Variants in ZBTB38 observed in about 807,000 individuals in gnomAD.
The protein encoded by ZBTB38 is zinc finger and BTB domain-containing protein 38.
A neutral mutation model predicts 76.8 loss-of-function variants in ZBTB38; 20 were observed. That is an observed-to-expected ratio of 0.26 (90% CI 0.18 to 0.38). ZBTB38 has a LOEUF of 0.38. ZBTB38 is among the 10% of genes least tolerant of loss of function. The probability of loss-of-function intolerance (pLI) is 1.00; values close to 1 mark genes in which losing one functional copy is unlikely to be tolerated. For missense variants in ZBTB38, 1,082 were observed against 1,482.3 expected (o/e 0.73, Z 4.43); for synonymous variants, 504 against 544.2 (o/e 0.93, Z 1.03).
chr3:141,402,681 C>T (rs1011896103), intron 4 of ZBTB38: 17 of 146,748 alleles, frequency 1.2e-4, no homozygotes, highest in East Asian at 2.0e-4. Flanking sequence ...GGCCCGCGCC[C>T]GGAGCGGGGC....
chr3:141,345,208 A>G (rs1420638382), intron 1 of ZBTB38, among the ~76,000 whole-genome samples: 1 of 152,204 alleles, frequency 6.6e-6, no homozygotes, highest in African/African-American at 2.4e-5. Context: ...TGTATGGCTT[A>G]GGAAGAAGCT....
At chr3:141,337,817 G>T (rs77575849) in intron 1 of ZBTB38, among the ~76,000 whole-genome samples, 1 of 152,134 alleles carries the variant, frequency 6.6e-6, no homozygotes, top group Non-Finnish European at 1.5e-5. Context: ...GCTCATTTTT[G>T]CAGGGAAGAA....
At chr3:141,416,634 C>T (rs2074108784) in intron 5 of ZBTB38, among the ~76,000 whole-genome samples, 1 of 152,156 alleles carries the variant, frequency 6.6e-6, no homozygotes, top group South Asian at 2.1e-4. Context: ...GTCCCAGAAC[C>T]CGTGAGTGTG....
intron 5 of ZBTB38, among the ~76,000 whole-genome samples, chr3:141,431,514 C>T (rs1023726748): frequency 8.6e-5 from 13 of 151,628 alleles, no homozygotes; most frequent in African/African-American, 3.2e-4. Context: ...CCAAGGCACA[C>T]GAGCTACCCT....
intron 1 of ZBTB38, among the ~76,000 whole-genome samples, chr3:141,354,388 C>T (rs1943603243): frequency 1.3e-5 from 2 of 152,114 alleles, no homozygotes; most frequent in South Asian, 4.1e-4. Flanking sequence ...TTGCTTCCAA[C>T]ATGCTGCCTC....
intron 1 of ZBTB38, among the ~76,000 whole-genome samples, chr3:141,336,400 TAG>T (rs1224141859): frequency 7.2e-5 from 11 of 152,318 alleles, no homozygotes; most frequent in African/African-American, 2.6e-4. Flanking sequence ...CTATTTTATA[TAG>T]AGAGACAGAA....
intron 5 of ZBTB38, among the ~76,000 whole-genome samples, chr3:141,414,973 G>A (rs753544716): frequency 2.0e-5 from 3 of 152,032 alleles, no homozygotes; most frequent in Non-Finnish European, 4.4e-5. Context: ...CTTTCTCGGT[G>A]CTGAGTCATA....
At chr3:141,357,621 C>T (rs1314218806) in intron 1 of ZBTB38, among the ~76,000 whole-genome samples, 1 of 152,094 alleles carries the variant, frequency 6.6e-6, no homozygotes, top group South Asian at 2.1e-4. Flanking sequence ...GTTCCGGCTC[C>T]GGGGTTCAAG....
rs78858345 is a variant in ZBTB38 at position 141,346,872 on chromosome 3, A to G, written c.-738-21749A>G. The stretch of plus-strand genomic sequence containing the variant: ...CCTCAAGCTTTCTTCACGTACCTGT[A>G]CATTTCAGTCTCTGAAAGAAAGCAC... On this transcript the variant is annotated intron_variant, in intron 1 of 7. Transcript: ENST00000509842. 3.0e-3 allele frequency among the ~76,000 whole-genome samples: 449 copies of G among 151,924 alleles called. 4 individuals are homozygous for G. Among genetic ancestry groups the G allele is most frequent in the African/African-American group, 0.01 (421 of 41,384 alleles).
In ZBTB38 at chr3:141,449,098, C is replaced by T. The variant is rs2081313473; in HGVS notation, c.*3122C>T. On this transcript the variant is annotated 3_prime_UTR_variant, in exon 6 of 6. Transcript: ENST00000321464. Reference sequence around the variant, plus strand: ...CACCAGAATTCGACCTCATTATCCTCGTTTTATAGTGACTTTGAGAAGGTC... The same window carrying T: ...CACCAGAATTCGACCTCATTATCCTTGTTTTATAGTGACTTTGAGAAGGTC... 6.6e-6 allele frequency: 1 copy of T among 152,180 alleles called. No individual in the cohort carries two copies. Among genetic ancestry groups the T allele is most frequent in the South Asian group, 2.1e-4 (1 of 4,832 alleles). The allele number at this position is 152,180 out of a possible 1,614,324, so 9.4% of individuals were successfully genotyped here.
At chr3:141,378,302 G>A (rs2149124051) in intron 2 of ZBTB38, among the ~76,000 whole-genome samples, 1 of 152,290 alleles carries the variant, frequency 6.6e-6, no homozygotes, top group Non-Finnish European at 1.5e-5. Flanking sequence ...TTCTGATGGT[G>A]ATGGTCATCA....
intron 1 of ZBTB38, among the ~76,000 whole-genome samples, chr3:141,352,272 G>A (rs187141039): frequency 2.0e-5 from 3 of 152,232 alleles, no homozygotes; most frequent in South Asian, 2.1e-4. Flanking sequence ...AGAGGGAGAC[G>A]TGTGGCTATC....
At chr3:141,335,746 T>C (rs1942999107) in intron 1 of ZBTB38, among the ~76,000 whole-genome samples, 1 of 152,254 alleles carries the variant, frequency 6.6e-6, no homozygotes, top group Non-Finnish European at 1.5e-5. Context: ...CCAGTTTCTA[T>C]CAATCACATC....
chr3:141,372,601 G>A (rs1944792933), intron 2 of ZBTB38, among the ~76,000 whole-genome samples: 1 of 149,574 alleles, frequency 6.7e-6, no homozygotes, highest in Admixed American at 6.7e-5. Flanking sequence ...GCAGTGAACC[G>A]AGATCACACC....
At chr3:141,422,312 C>T (rs2075574044) in intron 5 of ZBTB38, among the ~76,000 whole-genome samples, 1 of 152,194 alleles carries the variant, frequency 6.6e-6, no homozygotes, top group Non-Finnish European at 1.5e-5. Flanking sequence ...TGCCCCACCT[C>T]TCGGGCCAGG....
At chr3:141,434,405 G>A (rs943559683) in intron 5 of ZBTB38, among the ~76,000 whole-genome samples, 1 of 152,032 alleles carries the variant, frequency 6.6e-6, no homozygotes, top group Non-Finnish European at 1.5e-5. Flanking sequence ...GGGGGGGCGG[G>A]GGGAGTATGG....
intron 1 of ZBTB38, among the ~76,000 whole-genome samples, chr3:141,352,706 A>T (rs1487523634): frequency 6.6e-6 from 1 of 152,110 alleles, no homozygotes; most frequent in African/African-American, 2.4e-5. Context: ...GATCTTTGCC[A>T]CAAAGCAGCT....
chr3:141,425,306 T>TA (rs368865712), intron 5 of ZBTB38, among the ~76,000 whole-genome samples: 44 of 152,372 alleles, frequency 2.9e-4, no homozygotes, highest in African/African-American at 1.0e-3. Context: ...CATCATATGG[T>TA]AACTCTACGT....
At position 141,449,150 on chromosome 3, in the gene ZBTB38, A is replaced by C. The variant is rs1203483916; in HGVS notation, c.*3174A>C. The C allele has an allele frequency of 2.0e-5, 3 of 152,230 alleles. No individual in the cohort carries two copies. The highest frequency in any genetic ancestry group is 1.3e-4 in the Admixed American group (2 of 15,276). The allele number at this position is 152,230 out of a possible 1,614,324, so 9.4% of individuals were successfully genotyped here. A position where few individuals can be genotyped will look rare whatever the true frequency, so the allele number is the denominator to read the frequency against. On this transcript the variant is annotated 3_prime_UTR_variant, in exon 6 of 6. Transcript: ENST00000321464. Reference sequence around the variant, plus strand: ...CACAACCAGACAAAGCCAGGATGCTAACCTAGGTCTGCCTGACTCCAAAGC... The same window carrying C: ...CACAACCAGACAAAGCCAGGATGCTCACCTAGGTCTGCCTGACTCCAAAGC...
Sources: gnomAD v4.1 joint callset for allele counts (sites outside exome capture counted in the v4.1 genomes callset) on GRCh38, gnomAD v4.1.1 for gene constraint, MANE v1.5 for transcripts, NCBI Gene and HGNC (gene_info 2026-07-23, HGNC 2026-07-21) for gene names.